TGS1: variants seen among roughly 807,000 people sequenced by gnomAD.
The protein encoded by TGS1 is trimethylguanosine synthase 1.
A neutral mutation model predicts 92.2 loss-of-function variants in TGS1; 69 were observed. That is an observed-to-expected ratio of 0.75 (90% CI 0.62 to 0.91). The LOEUF (loss-of-function observed/expected upper bound fraction) is 0.91, where lower values mean the gene tolerates loss of function less well. Among genes scored for constraint, TGS1 ranks in the 40% least tolerant of loss-of-function variants. The pLI, the probability that TGS1 is intolerant of heterozygous loss-of-function variation, is 0.00. For missense variants in TGS1, 1,062 were observed against 1,001.2 expected, an observed-to-expected ratio of 1.06 and a Z score of -0.82; for synonymous variants, 345 against 338.1, an observed-to-expected ratio of 1.02 and a Z score of -0.22.
At position 55,785,727 on chromosome 8, in the gene TGS1, G is replaced by A. The variant is rs777679452; in HGVS notation, c.175G>A (p.Ala59Thr). ...RDSGNNSGDQATEEEEGGYSC... is the reference protein window; with the variant it reads ...RDSGNNSGDQTTEEEEGGYSC... ...ATAAATGGTGTCTATAGGAGACCAG[G>A]CGACAGAAGAAGAGGAAGGTGGTTA... Residue 59 changes from alanine to threonine, a missense_variant, in exon 3 of 13, where the codon GCG becomes ACG. Physicochemically the swap from Ala to Thr is moderately conservative, Grantham distance 58. Transcript: ENST00000260129. The A allele has an allele frequency of 3.1e-6, 5 of 1,605,628 alleles. No homozygotes were observed. Among genetic ancestry groups the A allele is most frequent in the South Asian group, 1.1e-5 (1 of 89,376 alleles).
chr8:55,815,967 A>T (rs1267085782), intron 12 of TGS1, among the ~76,000 whole-genome samples: 1 of 151,104 alleles, frequency 6.6e-6, no homozygotes, highest in Non-Finnish European at 1.5e-5. Context: ...TTATTTATGG[A>T]GATAGGGTTT....
At chr8:55,822,196 A>G (rs752682084) in intron 12 of TGS1, among the ~76,000 whole-genome samples, 2 of 151,702 alleles carry the variant, frequency 1.3e-5, no homozygotes, top group African/African-American at 2.4e-5. Flanking sequence ...CAGCCTCCCG[A>G]ATAGCTGGGA....
chr8:55,790,192 G>A lies in TGS1; in HGVS notation c.1173G>A (p.Lys391=). Residue 391 remains lysine, a synonymous_variant, in exon 5 of 13, where the codon AAG becomes AAA. Transcript: ENST00000260129. ...NTDPPAEDSQ[K]SSGANTSKDR... Reference sequence around the variant, plus strand: ...TTTCTGCCTCTTTAGATTCACAGAAGTCTTCAGGAGCAAACACAAGCAAAG... The same window carrying A: ...TTTCTGCCTCTTTAGATTCACAGAAATCTTCAGGAGCAAACACAAGCAAAG... 3.1e-6 allele frequency: 5 copies of A among 1,613,516 alleles called. No homozygotes were observed. Among genetic ancestry groups the A allele is most frequent in the Non-Finnish European group, 4.2e-6 (5 of 1,179,616 alleles).
intron 9 of TGS1, among the ~76,000 whole-genome samples, chr8:55,804,407 C>T (rs1812305420): frequency 6.6e-6 from 1 of 152,170 alleles, no homozygotes; most frequent in African/African-American, 2.4e-5. Flanking sequence ...TGCCGTTGCA[C>T]TCCAGCCTGG....
intron 9 of TGS1, 117 bp from the exon 10 acceptor site, chr8:55,804,776 T>A (rs1812316518): frequency 3.3e-6 from 3 of 900,782 alleles, no homozygotes; most frequent in Admixed American, 5.9e-5. Flanking sequence ...TATAATTTTT[T>A]AAAAAGGGAA....
chr8:55,813,395 G>A (rs1446171830), intron 12 of TGS1, among the ~76,000 whole-genome samples: 1 of 152,156 alleles, frequency 6.6e-6, no homozygotes, highest in Non-Finnish European at 1.5e-5. Context: ...TTCAAATGCT[G>A]CATAGTTAAA....
chr8:55,810,273 A>T (rs1326206108), intron 10 of TGS1, among the ~76,000 whole-genome samples: 11 of 152,258 alleles, frequency 7.2e-5, no homozygotes, highest in Non-Finnish European at 1.6e-4. Context: ...GTTGCTAATT[A>T]TAAAATTGGA....
chr8:55,798,992 C>G lies in TGS1; in HGVS notation c.1621C>G (p.His541Asp), dbSNP rs988735765. The G allele has an allele frequency of 3.1e-6, 5 of 1,613,978 alleles. No homozygotes were observed. The African/African-American group carries it at 5.3e-5, about 17-fold the overall frequency. Residue 541 changes from histidine to aspartate, a missense_variant, in exon 8 of 13, where the codon CAC becomes GAC. Coordinates refer to ENST00000260129, the MANE Select transcript of TGS1 (RefSeq NM_024831.8). Reference sequence around the variant, plus strand: ...GGAATCATCTTCTCATGACAATGTGCACGACGCTTCCACAAGTAGTGATTC... The same window carrying G: ...GGAATCATCTTCTCATGACAATGTGGACGACGCTTCCACAAGTAGTGATTC... ...SQESSSHDNV[H>D]DASTSSDSEE...
intron 12 of TGS1, among the ~76,000 whole-genome samples, chr8:55,817,396 T>C (rs1803510949): frequency 6.6e-6 from 1 of 152,234 alleles, no homozygotes; most frequent in Non-Finnish European, 1.5e-5. Context: ...ATTTGAATAA[T>C]GTATTTGAAT....
intron 6 of TGS1, among the ~76,000 whole-genome samples, chr8:55,793,664 T>C (rs1284540573): frequency 1.3e-5 from 2 of 152,048 alleles, no homozygotes; most frequent in Non-Finnish European, 2.9e-5. Flanking sequence ...GCCTCCTGGG[T>C]TCAAGTGATT....
Position 55,811,115 on chromosome 8 carries a change from TA to T in TGS1, c.2360+20del. On this transcript the variant is annotated intron_variant, in intron 11 of 12. Coordinates refer to ENST00000260129, the MANE Select transcript of TGS1 (RefSeq NM_024831.8). Reference sequence around the variant, plus strand: ...CCTGATGGATATCCTTTGGAAGTCTTAAGAGTTTACTGAAACAATGATTGTG... The same window carrying T: ...CCTGATGGATATCCTTTGGAAGTCTTAGAGTTTACTGAAACAATGATTGTG... The T allele has an allele frequency of 6.7e-7, 1 of 1,487,506 alleles. No individual in the cohort carries two copies. Among genetic ancestry groups the T allele is most frequent in the Non-Finnish European group, 9.1e-7 (1 of 1,103,362 alleles). The allele number at this position is 1,487,506 out of a possible 1,614,324, so 92.1% of individuals were successfully genotyped here. A position where few individuals can be genotyped will look rare whatever the true frequency, so the allele number is the denominator to read the frequency against.
chr8:55,808,345 G>T (rs199879875), intron 10 of TGS1, among the ~76,000 whole-genome samples: 4 of 151,996 alleles, frequency 2.6e-5, no homozygotes, highest in Admixed American at 2.6e-4. Flanking sequence ...CCTAAAAAAT[G>T]ATTTTTCCTT....
intron 9 of TGS1, among the ~76,000 whole-genome samples, chr8:55,804,672 G>C (rs1309746300): frequency 6.6e-6 from 1 of 152,158 alleles, no homozygotes; most frequent in African/African-American, 2.4e-5. Context: ...AAAAGAATTA[G>C]GTTAAGAATT....
At chr8:55,781,689 C>T (rs1220897983) in intron 1 of TGS1, among the ~76,000 whole-genome samples, 1 of 152,202 alleles carries the variant, frequency 6.6e-6, no homozygotes, top group Non-Finnish European at 1.5e-5. Context: ...CATCATCCTG[C>T]TGAGTCACCA....
At position 55,786,336 on chromosome 8, in the gene TGS1, T is replaced by G; in HGVS notation, c.438T>G (p.Tyr146Ter). 6.2e-7 allele frequency: 1 copy of G among 1,610,236 alleles called. No individual in the cohort carries two copies. The highest frequency in any genetic ancestry group is 1.1e-5 in the South Asian group (1 of 90,044). The stretch of plus-strand genomic sequence containing the variant: ...TGCAAGAATCTTGGAGAAAAGAATA[T>G]GAAGAAGACGACATTTTGGCTTCAG... Reference protein sequence around the residue: ...EIVQESWRKEYEEDDILASDD... With the variant: ...EIVQESWRKE The change falls in exon 4 of 13, where the codon TAT (tyrosine) becomes TAG (stop). Residue 146 changes from tyrosine to a stop codon, truncating the protein, a stop_gained. Transcript: ENST00000260129. LOFTEE classifies it high-confidence loss of function.
At chr8:55,819,228 G>T (rs1481819489) in intron 12 of TGS1, among the ~76,000 whole-genome samples, 3 of 151,604 alleles carry the variant, frequency 2.0e-5, no homozygotes, top group African/African-American at 7.3e-5. Context: ...GAGCCACCGT[G>T]CCCGGCCTGG....
intron 12 of TGS1, among the ~76,000 whole-genome samples, chr8:55,816,864 ATT>A (rs879734465): frequency 6.8e-6 from 1 of 147,278 alleles, no homozygotes; most frequent in Non-Finnish European, 1.5e-5. Context: ...TATTTTATTT[ATT>A]TTTTTTTTTT....
In TGS1 at chr8:55,782,824, T is replaced by C; in HGVS notation, c.166+12T>C. The stretch of plus-strand genomic sequence containing the variant: ...TGGCAACAATTCAGGTAATATAGTA[T>C]AAAATTCTATAAACCTTTTTTGCTG... On this transcript the variant is annotated intron_variant, in intron 2 of 12. Transcript: ENST00000260129. 1 of 1,554,222 alleles carries C rather than the reference T, an allele frequency of 6.4e-7. No individual in the cohort carries two copies. Among genetic ancestry groups the C allele is most frequent in the Non-Finnish European group, 8.8e-7 (1 of 1,141,330 alleles).
chr8:55,819,358 C>T (rs1803572965), intron 12 of TGS1, among the ~76,000 whole-genome samples: 2 of 140,654 alleles, frequency 1.4e-5, no homozygotes, highest in Admixed American at 7.7e-5. Flanking sequence ...GTGCAATGGC[C>T]TGATCTCAGC....
Sources: allele counts gnomAD v4.1 joint callset (sites outside exome capture counted in the v4.1 genomes callset), GRCh38; gene constraint gnomAD v4.1.1; transcripts MANE v1.5; gene names NCBI Gene and HGNC (gene_info 2026-07-23, HGNC 2026-07-21).